The following FBXO4 variants were observed in gnomAD, a reference collection of about 807,000 sequenced individuals.
FBXO4 encodes F-box protein 4, also known as F-box only protein 4.
A neutral mutation model predicts 43.7 loss-of-function variants in FBXO4; 36 were observed. That is an observed-to-expected ratio of 0.82 (90% CI 0.63 to 1.09). FBXO4 has a LOEUF of 1.09. Among genes scored for constraint, FBXO4 ranks in the 50% least tolerant of loss-of-function variants. The pLI, the probability that FBXO4 is intolerant of heterozygous loss-of-function variation, is 0.00. For synonymous variants in FBXO4, 180 were observed against 165.6 expected, an observed-to-expected ratio of 1.09 and a Z score of -0.67; for missense variants, 435 against 474.1, an observed-to-expected ratio of 0.92 and a Z score of 0.77.
rs756375955 is a variant in FBXO4, at chr5:41,934,625, C to A, written c.898+317C>A. 1.4e-4 allele frequency: 167 copies of A among 1,229,568 alleles called. 1 individual carries two copies. Among genetic ancestry groups the A allele is most frequent in the Admixed American group, 1.2e-3 (31 of 26,116 alleles). The allele number at this position is 1,229,568 out of a possible 1,614,324, so 76.2% of individuals were successfully genotyped here. A position where few individuals can be genotyped will look rare whatever the true frequency, so the allele number is the denominator to read the frequency against. On this transcript the variant is annotated intron_variant, in intron 5 of 6. Coordinates refer to ENST00000281623, the MANE Select transcript of FBXO4 (RefSeq NM_012176.3). ...TTCTGATGCATTCCAAAGTTTGGTA[C>A]TAGAGCTATACAATATTTTTTTGCT... is the stretch of plus-strand genomic sequence containing the variant.
At chr5:42,006,428 T>C in the FBXO4 span, among the ~76,000 whole-genome samples, 1 of 151,978 alleles carries the variant, frequency 6.6e-6, no homozygotes, top group Non-Finnish European at 1.5e-5. Flanking sequence ...TACAAATAGT[T>C]AAACCAAACA....
chr5:41,973,648 T>C, the FBXO4 span, among the ~76,000 whole-genome samples: 44 of 152,366 alleles, frequency 2.9e-4, 1 homozygote, highest in African/African-American at 8.9e-4. Flanking sequence ...GCCGCTGCAC[T>C]CCAGCCTGGG....
intron 5 of FBXO4, among the ~76,000 whole-genome samples, chr5:41,935,668 C>T (rs1477909790): frequency 6.6e-6 from 1 of 152,234 alleles, no homozygotes; most frequent in Non-Finnish European, 1.5e-5. Flanking sequence ...GCCTGCAGCA[C>T]TGAGGCTCTG....
the FBXO4 span, among the ~76,000 whole-genome samples, chr5:42,025,025 T>C: frequency 6.6e-6 from 1 of 152,054 alleles, no homozygotes; most frequent in African/African-American, 2.4e-5. Context: ...AGTGCAGATA[T>C]CTCTTCAATA....
intron 2 of FBXO4, 34 bp from the exon 3 acceptor site, chr5:41,929,663 G>A (rs768223905): frequency 1.0e-5 from 15 of 1,486,388 alleles, no homozygotes; most frequent in South Asian, 6.4e-5. Flanking sequence ...GCTGTTTTCT[G>A]TGTTAATGTT....
At chr5:41,926,198 G>A (rs277416) in intron 1 of FBXO4, among the ~76,000 whole-genome samples, 57,408 of 152,032 alleles carry the variant, frequency 0.38, 13,614 homozygotes, top group African/African-American at 0.67. Context: ...CAACGTGAAA[G>A]CTGCAGGTTT....
the FBXO4 span, among the ~76,000 whole-genome samples, chr5:41,964,455 A>G: frequency 6.6e-6 from 1 of 152,162 alleles, no homozygotes; most frequent in Non-Finnish European, 1.5e-5. Flanking sequence ...TAAAATCAAT[A>G]TTAACTCAAA....
the FBXO4 span, among the ~76,000 whole-genome samples, chr5:41,998,260 C>T: frequency 6.6e-6 from 1 of 152,126 alleles, no homozygotes; most frequent in East Asian, 1.9e-4. Context: ...ACTGTGGTTC[C>T]CACCATTAGA....
Position 41,939,633 on chromosome 5 carries a change from T to C in FBXO4, c.1074+17T>C, listed in dbSNP as rs1431622581. On this transcript the variant is annotated intron_variant, in intron 6 of 6. Coordinates refer to ENST00000281623, the MANE Select transcript of FBXO4 (RefSeq NM_012176.3). ...CCATGGCTGGTAAGATCATTTATAC[T>C]CTAGTGACAAAAATTTTATTTTGCA... is the stretch of plus-strand genomic sequence containing the variant. The C allele has an allele frequency of 6.4e-6, 10 of 1,555,294 alleles. No homozygotes were observed. Among genetic ancestry groups the C allele is most frequent in the Non-Finnish European group, 8.7e-6 (10 of 1,151,226 alleles).
chr5:41,934,667 T>C (rs1751803931), intron 5 of FBXO4: 1 of 1,090,624 alleles, frequency 9.2e-7, no homozygotes, highest in Non-Finnish European at 1.1e-6. Flanking sequence ...TTCTGCATTT[T>C]TTTGATACTG....
chr5:42,029,637 T>A, the FBXO4 span, among the ~76,000 whole-genome samples: 3 of 152,058 alleles, frequency 2.0e-5, no homozygotes, highest in East Asian at 5.8e-4. Flanking sequence ...TTTTATTTAT[T>A]TTTTTATTTT....
chr5:41,934,551 G>A, intron 5 of FBXO4: 1 of 1,360,984 alleles, frequency 7.3e-7, no homozygotes, highest in East Asian at 2.7e-5. Context: ...CTAGATTTGG[G>A]TTGTGTGAAT....
chr5:41,993,618 G>GATATATAT, the FBXO4 span, among the ~76,000 whole-genome samples: 1,966 of 136,616 alleles, frequency 0.014, 25 homozygotes, highest in African/African-American at 0.018. Flanking sequence ...GAACTAATAG[G>GATATATAT]ATATATATAT....
the FBXO4 span, among the ~76,000 whole-genome samples, chr5:42,039,806 TTA>T: frequency 2.6e-5 from 4 of 152,096 alleles, no homozygotes; most frequent in Admixed American, 2.0e-4. Context: ...AAAATGGAGA[TTA>T]TACTAGTGGG....
intron 2 of FBXO4, among the ~76,000 whole-genome samples, chr5:41,927,903 A>G (rs1052162978): frequency 6.6e-6 from 1 of 152,230 alleles, no homozygotes; most frequent in African/African-American, 2.4e-5. Context: ...ATGCTACCTC[A>G]AAGATATATA....
At chr5:41,933,007 C>G (rs1262991012) in intron 3 of FBXO4, among the ~76,000 whole-genome samples, 1 of 152,146 alleles carries the variant, frequency 6.6e-6, no homozygotes, top group Non-Finnish European at 1.5e-5. Flanking sequence ...AGTCACCCTA[C>G]TAGGAGTTTT....
chr5:41,936,888 A>G (rs1751864334), intron 5 of FBXO4, among the ~76,000 whole-genome samples: 1 of 152,048 alleles, frequency 6.6e-6, no homozygotes, highest in Non-Finnish European at 1.5e-5. Flanking sequence ...AGGCTTATGA[A>G]CCATACAGTT....
downstream of FBXO4, among the ~76,000 whole-genome samples, chr5:41,946,055 C>T (rs1164723962): frequency 6.6e-6 from 1 of 152,138 alleles, no homozygotes; most frequent in East Asian, 1.9e-4. Context: ...ATCAAATGAC[C>T]TTAAATCCCT....
intron 3 of FBXO4, among the ~76,000 whole-genome samples, chr5:41,930,400 G>A (rs934609634): frequency 2.6e-5 from 4 of 152,176 alleles, no homozygotes; most frequent in African/African-American, 9.7e-5. Context: ...TTGAGAGCCA[G>A]CCCCTATAAG....
Sources: gnomAD v4.1 joint callset for allele counts (sites outside exome capture counted in the v4.1 genomes callset) on GRCh38, gnomAD v4.1.1 for gene constraint, MANE v1.5 for transcripts, NCBI Gene and HGNC (gene_info 2026-07-23, HGNC 2026-07-21) for gene names.